Variants in GLG1 observed in about 807,000 individuals in gnomAD.
GLG1 encodes the protein golgi glycoprotein 1, also known as Golgi apparatus protein 1.
In GLG1, 38 loss-of-function variants were observed where a neutral mutation model predicts 160.5. That is an observed-to-expected ratio of 0.24 (90% confidence interval 0.18 to 0.31). GLG1 has a LOEUF of 0.31. GLG1 is among the 10% of genes least tolerant of loss of function. GLG1 has a pLI of 1.00. For missense variants in GLG1, 1,373 were observed against 1,505.2 expected (o/e 0.91, Z 1.45); for synonymous variants, 644 against 543.4 (o/e 1.19, Z -2.57).
In GLG1 at chr16:74,462,602, T is replaced by A; in HGVS notation, c.2820A>T (p.Lys940Asn). 1.9e-6 allele frequency: 3 copies of A among 1,614,084 alleles called. No homozygotes were observed. Among genetic ancestry groups the A allele is most frequent in the Non-Finnish European group, 2.5e-6 (3 of 1,179,912 alleles). Reference protein sequence around the residue: ...TDYRLNPMLRKACKADIPKFC... With the variant: ...TDYRLNPMLRNACKADIPKFC... ...ATTTAGGAATGTCAGCTTTACAGGCTTTTCTTAACATGGGGTTTAAGCGGT... is the reference window on the plus strand; with the variant it reads ...ATTTAGGAATGTCAGCTTTACAGGCATTTCTTAACATGGGGTTTAAGCGGT... Residue 940 changes from lysine (K) to asparagine (N), a missense_variant, in exon 21 of 26, where the codon AAA becomes AAT. Lys to Asn is a moderately conservative substitution (Grantham distance 94). Around this residue, in one of 4 missense-constraint regions of GLG1, gnomAD observed 491 missense variants for 632.1 expected, o/e 0.78. Transcript: ENST00000422840.
intron 11 of GLG1, among the ~76,000 whole-genome samples, chr16:74,479,645 A>G (rs1035177550): frequency 6.6e-6 from 1 of 152,182 alleles, no homozygotes. Flanking sequence ...TCTCCGGAAC[A>G]AAGGCAGGAC....
Position 74,451,010 on chromosome 16 carries a change from G to C in GLG1, c.*2157C>G, listed in dbSNP as rs773766235. The C allele has an allele frequency of 6.6e-6, 1 of 152,236 alleles. No individual in the cohort carries two copies. The allele number at this position is 152,236 out of a possible 1,614,324, so 9.4% of individuals were successfully genotyped here. A position where few individuals can be genotyped will look rare whatever the true frequency, so the allele number is the denominator to read the frequency against. On this transcript the variant is annotated 3_prime_UTR_variant, in exon 26 of 26. Coordinates refer to ENST00000422840, the MANE Select transcript of GLG1 (RefSeq NM_001145667.2). The stretch of plus-strand genomic sequence containing the variant: ...CGCATACTGGGAAGGAGACTGCAGA[G>C]AGGAAGGATACCCCACCCGGTCAAA...
chr16:74,474,768 G>A, intron 12 of GLG1, 136 bp from the exon 13 acceptor site: 3 of 664,476 alleles, frequency 4.5e-6, no homozygotes, highest in Middle Eastern at 6.3e-4. Flanking sequence ...TCACTGAACA[G>A]GACACAAAAG....
At chr16:74,457,776 C>A in intron 24 of GLG1, 98 bp downstream of exon 24, 3 of 1,135,736 alleles carry the variant, frequency 2.6e-6, no homozygotes. Flanking sequence ...CAACTACAGA[C>A]CATACAGACC....
intron 4 of GLG1, among the ~76,000 whole-genome samples, chr16:74,497,878 G>A (rs2016256700): frequency 6.6e-6 from 1 of 152,166 alleles, no homozygotes; most frequent in Non-Finnish European, 1.5e-5. Flanking sequence ...TCACGTTGAT[G>A]TTCTGGATTT....
intron 1 of GLG1, among the ~76,000 whole-genome samples, chr16:74,586,636 G>C (rs1271392260): frequency 6.6e-6 from 1 of 151,912 alleles, no homozygotes; most frequent in Non-Finnish European, 1.5e-5. Flanking sequence ...CACCACGCCT[G>C]GCTAATTTTT....
At chr16:74,542,283 T>A (rs1449799006) in intron 1 of GLG1, among the ~76,000 whole-genome samples, 1 of 149,836 alleles carries the variant, frequency 6.7e-6, no homozygotes, top group Non-Finnish European at 1.5e-5. Flanking sequence ...TCCTTTTATA[T>A]TCTTTCTTTG....
chr16:74,533,308 G>A (rs866624652), intron 1 of GLG1, among the ~76,000 whole-genome samples: 2 of 152,186 alleles, frequency 1.3e-5, no homozygotes, highest in African/African-American at 2.4e-5. Flanking sequence ...GCCACAGAGC[G>A]AGACTCCGTC....
chr16:74,462,053 G>T, intron 22 of GLG1, 41 bp downstream of exon 22: 1 of 1,020,542 alleles, frequency 9.8e-7, no homozygotes, highest in Non-Finnish European at 1.5e-6. Flanking sequence ...AAACTTCTCT[G>T]AGCAGCTCTG....
chr16:74,591,027 T>C (rs956122162), intron 1 of GLG1, among the ~76,000 whole-genome samples: 1 of 152,014 alleles, frequency 6.6e-6, no homozygotes, highest in South Asian at 2.1e-4. Flanking sequence ...TGCTGCCTAG[T>C]TACTTCTGAA....
At chr16:74,519,534 T>C (rs1448756777) in intron 2 of GLG1, among the ~76,000 whole-genome samples, 2 of 147,288 alleles carry the variant, frequency 1.4e-5, no homozygotes, top group Admixed American at 7.3e-5. Flanking sequence ...ATACTTGATA[T>C]TGATAATAAA....
chr16:74,465,661 G>A lies in GLG1; in HGVS notation c.2667+15C>T, dbSNP rs768892960. On this transcript the variant is annotated intron_variant, in intron 19 of 25. Transcript: ENST00000422840. Reference sequence around the variant, plus strand: ...GTTGTTCATCCGTGCTCGGCCTTTGGTGTCGGCTTCTCACCTTTATCATCT... The same window carrying A: ...GTTGTTCATCCGTGCTCGGCCTTTGATGTCGGCTTCTCACCTTTATCATCT... 1.2e-6 allele frequency: 2 copies of A among 1,611,990 alleles called. No homozygotes were observed. The highest frequency in any genetic ancestry group is 1.1e-5 in the South Asian group (1 of 90,560).
chr16:74,463,876 CTT>C (rs35730836), intron 19 of GLG1: 453 of 169,310 alleles, frequency 2.7e-3, no homozygotes, highest in Middle Eastern at 5.6e-3. Flanking sequence ...CGCCTGGCCA[CTT>C]TTTTTTTTTT....
chr16:74,526,755 A>T (rs2017347224), intron 2 of GLG1, among the ~76,000 whole-genome samples: 1 of 152,042 alleles, frequency 6.6e-6, no homozygotes, highest in Non-Finnish European at 1.5e-5. Flanking sequence ...ACCAAAAACC[A>T]CTTTTTGACA....
intron 18 of GLG1, among the ~76,000 whole-genome samples, chr16:74,466,170 G>A (rs1367620244): frequency 6.6e-6 from 1 of 152,154 alleles, no homozygotes; most frequent in South Asian, 2.1e-4. Flanking sequence ...TAGACAGTGG[G>A]CACAAACCAG....
intron 2 of GLG1, among the ~76,000 whole-genome samples, chr16:74,523,100 T>C (rs2017221517): frequency 6.6e-6 from 1 of 152,254 alleles, no homozygotes; most frequent in South Asian, 2.1e-4. Context: ...TCTGGGTACA[T>C]AGTAGGTGTA....
At chr16:74,606,233 CT>C (rs1205208176) in intron 1 of GLG1, among the ~76,000 whole-genome samples, 1 of 152,218 alleles carries the variant, frequency 6.6e-6, no homozygotes, top group Non-Finnish European at 1.5e-5. Context: ...ACAGATCATT[CT>C]TTACAGCCTA....
chr16:74,460,196 C>T (rs1384388607), intron 22 of GLG1, among the ~76,000 whole-genome samples: 1 of 152,108 alleles, frequency 6.6e-6, no homozygotes, highest in African/African-American at 2.4e-5. Context: ...TAATTTTGTA[C>T]TTTTAGTAGA....
rs561749925 is a variant in GLG1, at chr16:74,599,488, C to T, written c.438+7169G>A. ...ATCCCACCACTTTGGGAGGCCAAGG[C>T]GGGTGGGATTACCTGAGGTCAGGAG... On this transcript the variant is annotated intron_variant, in intron 1 of 25. Coordinates refer to ENST00000422840, the MANE Select transcript of GLG1 (RefSeq NM_001145667.2). 7.9e-5 allele frequency among the ~76,000 whole-genome samples: 12 copies of T among 152,216 alleles called. No homozygotes were observed. In the East Asian group the frequency reaches 1.7e-3, roughly 22 times the overall value.
Sources: gnomAD v4.1 joint callset for allele counts (sites outside exome capture counted in the v4.1 genomes callset) on GRCh38, gnomAD v4.1.1 for gene constraint, gnomAD v4.1.1 regional missense constraint, MANE v1.5 for transcripts, NCBI Gene and HGNC (gene_info 2026-07-23, HGNC 2026-07-21) for gene names.